The following ACOT13 variants were observed in gnomAD, a reference collection of about 807,000 sequenced individuals.
ACOT13 encodes the protein acyl-coenzyme A thioesterase 13.
In ACOT13, 10 loss-of-function variants were observed where a neutral mutation model predicts 11.8. That is an observed-to-expected ratio of 0.85 (90% CI 0.53 to 1.44). The LOEUF is 1.44. ACOT13 is among the 40% of genes most tolerant of loss of function. The pLI, the probability that ACOT13 is intolerant of heterozygous loss-of-function variation, is 0.00. For synonymous variants in ACOT13, 53 were observed against 61.0 expected (o/e 0.87, Z 0.61); for missense variants, 172 against 174.1 (o/e 0.99, Z 0.07).
At chr6:24,688,776 T>C (rs1402551922) in intron 1 of ACOT13, among the ~76,000 whole-genome samples, 1 of 152,212 alleles carries the variant, frequency 6.6e-6, no homozygotes, top group African/African-American at 2.4e-5. Context: ...TGTCAGGCAC[T>C]ATGCACTTTG....
intron 1 of ACOT13, among the ~76,000 whole-genome samples, chr6:24,671,783 A>T (rs1027060711): frequency 4.6e-5 from 7 of 152,348 alleles, no homozygotes; most frequent in African/African-American, 1.7e-4. Context: ...GACACAATTG[A>T]CAAGGAAATT....
At chr6:24,674,682 C>T (rs557662237) in intron 1 of ACOT13, among the ~76,000 whole-genome samples, 5 of 152,276 alleles carry the variant, frequency 3.3e-5, no homozygotes, top group South Asian at 2.1e-4. Context: ...TCCCAAAATG[C>T]TGGGATTACA....
intron 1 of ACOT13, among the ~76,000 whole-genome samples, chr6:24,695,773 C>T (rs1271774411): frequency 6.6e-6 from 1 of 152,080 alleles, no homozygotes. Context: ...TTGCTATAAA[C>T]AGACGATCAT....
intron 1 of ACOT13, among the ~76,000 whole-genome samples, chr6:24,682,733 G>A (rs1242367319): frequency 2.0e-5 from 3 of 151,820 alleles, no homozygotes; most frequent in South Asian, 4.2e-4. Context: ...GATGGCGAGC[G>A]AAAGCTCAGC....
chr6:24,703,547 T>C lies in ACOT13; in HGVS notation c.*1932T>C, dbSNP rs2099662050. On this transcript the variant is annotated 3_prime_UTR_variant, in exon 3 of 3. Transcript: ENST00000230048. ...AATTATGATTTGGAGGGAAAAAATA[T>C]GAGGCCATAGTGTTTAGGTAGATAA... 6.6e-6 allele frequency: 1 copy of C among 152,200 alleles called. No homozygotes were observed. The highest frequency in any genetic ancestry group is 2.4e-5 in the African/African-American group (1 of 41,440). The allele number at this position is 152,200 out of a possible 1,614,324, so 9.4% of individuals were successfully genotyped here. A position where few individuals can be genotyped will look rare whatever the true frequency, so the allele number is the denominator to read the frequency against.
rs1165971165 is a variant in ACOT13 at position 24,696,096 on chromosome 6, CCAA to C, written c.82-1780_82-1778del. Reference sequence around the variant, plus strand: ...AACAAAAAAACAAAAAACAAAAAACCCAACAACAAAAATCCTGTTCTAAAATTT... The same window carrying C: ...AACAAAAAAACAAAAAACAAAAAACCCAACAAAAATCCTGTTCTAAAATTT... On this transcript the variant is annotated intron_variant, in intron 1 of 2. Coordinates refer to ENST00000230048, the MANE Select transcript of ACOT13 (RefSeq NM_018473.4). Among the ~76,000 whole-genome samples the C allele has an allele frequency of 2.6e-5, 4 of 152,144 alleles. No individual in the cohort carries two copies. In the South Asian group the frequency reaches 6.2e-4, roughly 24 times the overall value.
intron 1 of ACOT13, among the ~76,000 whole-genome samples, chr6:24,681,277 C>T (rs1355219784): frequency 1.3e-5 from 2 of 152,164 alleles, no homozygotes; most frequent in African/African-American, 2.4e-5. Flanking sequence ...AAAGCAGTTG[C>T]CGCTACCGAC....
intron 1 of ACOT13, among the ~76,000 whole-genome samples, chr6:24,670,622 G>T (rs1258902844): frequency 6.6e-6 from 1 of 152,180 alleles, no homozygotes; most frequent in East Asian, 1.9e-4. Flanking sequence ...GCAAATAACT[G>T]TATTGGCACA....
intron 1 of ACOT13, among the ~76,000 whole-genome samples, chr6:24,676,816 C>A (rs1408673111): frequency 6.6e-6 from 1 of 152,148 alleles, no homozygotes; most frequent in Admixed American, 6.5e-5. Flanking sequence ...TGTAAGACTG[C>A]CACCTCTTTA....
intron 1 of ACOT13, among the ~76,000 whole-genome samples, chr6:24,679,619 G>A (rs1778514326): frequency 6.6e-6 from 1 of 152,158 alleles, no homozygotes; most frequent in Non-Finnish European, 1.5e-5. Context: ...GTCCCAATGA[G>A]GGTCTACACT....
intron 1 of ACOT13, among the ~76,000 whole-genome samples, chr6:24,668,273 C>A (rs777709678): frequency 4.6e-5 from 7 of 151,878 alleles, no homozygotes; most frequent in Non-Finnish European, 8.8e-5. Flanking sequence ...TGCGGGAGTG[C>A]AGTGACACGA....
At chr6:24,673,357 A>G (rs993933868) in intron 1 of ACOT13, among the ~76,000 whole-genome samples, 3 of 152,012 alleles carry the variant, frequency 2.0e-5, no homozygotes, top group African/African-American at 7.2e-5. Context: ...AAAAAATTAA[A>G]TTCTCTTATA....
At chr6:24,676,363 G>T (rs1346115062) in intron 1 of ACOT13, among the ~76,000 whole-genome samples, 1 of 151,998 alleles carries the variant, frequency 6.6e-6, no homozygotes, top group African/African-American at 2.4e-5. Flanking sequence ...CATGAGCATG[G>T]AATGTTCTTC....
chr6:24,678,457 G>A (rs6917209), intron 1 of ACOT13, among the ~76,000 whole-genome samples: 32,070 of 152,110 alleles, frequency 0.21, 3,697 homozygotes, highest in Non-Finnish European at 0.26. Flanking sequence ...GGGCTTTTAA[G>A]TCCTTAACAA....
chr6:24,701,374 G>A, intron 2 of ACOT13, 85 bp from the exon 3 acceptor site: 1 of 1,248,130 alleles, frequency 8.0e-7, no homozygotes, highest in Non-Finnish European at 1.1e-6. Flanking sequence ...AGTAAAATAA[G>A]TTACATAGGA....
chr6:24,676,914 A>G (rs1221681942), intron 1 of ACOT13, among the ~76,000 whole-genome samples: 1 of 152,104 alleles, frequency 6.6e-6, no homozygotes, highest in Non-Finnish European at 1.5e-5. Context: ...CCCTCTCTCC[A>G]TATTGCTGCA....
At chr6:24,675,836 T>C (rs1301358437) in intron 1 of ACOT13, among the ~76,000 whole-genome samples, 1 of 152,244 alleles carries the variant, frequency 6.6e-6, no homozygotes, top group Non-Finnish European at 1.5e-5. Context: ...TAGGTTTTCT[T>C]CTAGGGTTTT....
Position 24,702,168 on chromosome 6 carries a change from C to G in ACOT13, c.*553C>G, listed in dbSNP as rs1046882736. 1 of 152,562 alleles carries G rather than the reference C, an allele frequency of 6.6e-6. No homozygotes were observed. The highest frequency in any genetic ancestry group is 1.5e-5 in the Non-Finnish European group (1 of 68,376). 9.5% of individuals were successfully genotyped at this position (152,562 alleles called of 1,614,324 possible). A position where few individuals can be genotyped will look rare whatever the true frequency, so the allele number is the denominator to read the frequency against. On this transcript the variant is annotated 3_prime_UTR_variant, in exon 3 of 3. Coordinates refer to ENST00000230048, the MANE Select transcript of ACOT13 (RefSeq NM_018473.4). ...CTCTGTTGCCCAGGCTGGAGTACAG[C>G]AGCACGATCTCGGCTCACTGCAATC...
chr6:24,703,555 T>C lies in ACOT13; in HGVS notation c.*1940T>C, dbSNP rs1484742094. On this transcript the variant is annotated 3_prime_UTR_variant, in exon 3 of 3. Coordinates refer to ENST00000230048, the MANE Select transcript of ACOT13 (RefSeq NM_018473.4). ...TTTGGAGGGAAAAAATATGAGGCCA[T>C]AGTGTTTAGGTAGATAATAAATGGC... 7 of 152,168 alleles carry C rather than the reference T, an allele frequency of 4.6e-5. No individual in the cohort carries two copies. The highest frequency in any genetic ancestry group is 1.4e-4 in the African/African-American group (6 of 41,446). 9.4% of individuals were successfully genotyped at this position (152,168 alleles called of 1,614,324 possible). A position where few individuals can be genotyped will look rare whatever the true frequency, so the allele number is the denominator to read the frequency against.
Sources: allele counts gnomAD v4.1 joint callset (sites outside exome capture counted in the v4.1 genomes callset), GRCh38; gene constraint gnomAD v4.1.1; transcripts MANE v1.5; gene names NCBI Gene and HGNC (gene_info 2026-07-23, HGNC 2026-07-21).